The following HHLA1 variants were observed in gnomAD, a reference collection of about 807,000 sequenced individuals.
HHLA1 encodes HERV-H LTR-associating protein 1.
HHLA1 carries 72 observed loss-of-function variants against 69.9 expected under a neutral mutation model. That is an observed-to-expected ratio of 1.03 (90% CI 0.85 to 1.25). The LOEUF (loss-of-function observed/expected upper bound fraction) is 1.25. Among genes scored for constraint, HHLA1 ranks in the 50% most tolerant of loss-of-function variants. HHLA1 has a pLI of 0.00. For synonymous variants in HHLA1, 252 were observed against 233.2 expected (o/e 1.08, Z -0.73); for missense variants, 685 against 642.2 (o/e 1.07, Z -0.72).
chr8:132,094,266 C>T (rs1168732633), intron 7 of HHLA1, among the ~76,000 whole-genome samples: 6 of 152,162 alleles, frequency 3.9e-5, no homozygotes, highest in East Asian at 1.9e-4. Flanking sequence ...CTTACAATCT[C>T]GTATTTAACA....
intron 5 of HHLA1, among the ~76,000 whole-genome samples, chr8:132,097,529 C>T (rs976360675): frequency 2.6e-5 from 4 of 152,142 alleles, no homozygotes; most frequent in Non-Finnish European, 5.9e-5. Context: ...TTTTGAGCTC[C>T]TCGAAGTTAT....
intron 4 of HHLA1, 113 bp downstream of exon 4, chr8:132,099,962 A>G: frequency 1.4e-6 from 1 of 737,386 alleles, no homozygotes; most frequent in East Asian, 2.7e-5. Context: ...TGATCAGATA[A>G]TGATTAAAGA....
intron 10 of HHLA1, among the ~76,000 whole-genome samples, chr8:132,082,212 A>G (rs947075253): frequency 6.6e-6 from 1 of 152,242 alleles, no homozygotes; most frequent in African/African-American, 2.4e-5. Flanking sequence ...TGCATCAGCT[A>G]TGAGGAAGAA....
At chr8:132,100,275 A>T in intron 3 of HHLA1, 141 bp from the exon 4 acceptor site, 1 of 663,250 alleles carries the variant, frequency 1.5e-6, no homozygotes, top group Admixed American at 2.3e-5. Context: ...GGCAGATCAC[A>T]GACTCTTCTG....
Position 132,087,185 on chromosome 8 carries a change from A to G in HHLA1, c.676+468T>C, listed in dbSNP as rs968422222. Among the ~76,000 whole-genome samples the G allele has an allele frequency of 1.3e-4, 20 of 152,208 alleles. 1 individual carries two copies. The highest frequency in any genetic ancestry group is 1.2e-3 in the Admixed American group (19 of 15,280). On this transcript the variant is annotated intron_variant, in intron 10 of 16. Coordinates refer to ENST00000414222, the MANE Select transcript of HHLA1 (RefSeq NM_001145095.3). ...CTGAAATATGGAAAAGTAGGGAAGG[A>G]GTTCCAGATGGAGACAACAGCATGC...
intron 7 of HHLA1, among the ~76,000 whole-genome samples, chr8:132,091,735 T>C (rs1823949018): frequency 6.6e-6 from 1 of 152,230 alleles, no homozygotes; most frequent in African/African-American, 2.4e-5. Context: ...GACTGTCTCT[T>C]AACACTCAGT....
At chr8:132,107,190 A>G (rs1290222037) in intron 1 of HHLA1, among the ~76,000 whole-genome samples, 1 of 152,194 alleles carries the variant, frequency 6.6e-6, no homozygotes, top group African/African-American at 2.4e-5. Flanking sequence ...TAGAAAAACA[A>G]TTATTTACAT....
intron 3 of HHLA1, among the ~76,000 whole-genome samples, chr8:132,103,548 G>T (rs887435626): frequency 6.6e-6 from 1 of 152,086 alleles, no homozygotes; most frequent in Non-Finnish European, 1.5e-5. Context: ...AGCCTTTGGG[G>T]TGGAGGTTGC....
intron 10 of HHLA1, chr8:132,080,941 A>T (rs534834702): frequency 2.0e-5 from 3 of 152,276 alleles, no homozygotes; most frequent in African/African-American, 7.2e-5. Flanking sequence ...GCCTGGATAC[A>T]GTTTTGTATG....
intron 12 of HHLA1, 54 bp downstream of exon 12, chr8:132,077,671 AC>A: frequency 6.6e-7 from 1 of 1,513,968 alleles, no homozygotes; most frequent in Non-Finnish European, 8.9e-7. Context: ...ATCAAAACAG[AC>A]AATGCTAAGT....
intron 12 of HHLA1, among the ~76,000 whole-genome samples, chr8:132,077,387 G>T (rs1823662924): frequency 6.6e-6 from 1 of 152,138 alleles, no homozygotes; most frequent in Admixed American, 6.5e-5. Context: ...CAGCAGGCAG[G>T]GCTCATGCCT....
intron 9 of HHLA1, 49 bp downstream of exon 9, chr8:132,087,796 G>A (rs777576413): frequency 9.7e-6 from 15 of 1,542,370 alleles, no homozygotes; most frequent in Non-Finnish European, 1.8e-6. Context: ...GGACAGTTTT[G>A]TCTATTTCTC....
rs1824104869 is a variant in HHLA1, at chr8:132,101,158, A to G, written c.140-1024T>C. 9.2e-6 allele frequency: 14 copies of G among 1,525,094 alleles called. No individual in the cohort carries two copies. The East Asian group carries it at 2.7e-4, about 30-fold the overall frequency. The allele number at this position is 1,525,094 out of a possible 1,614,324, so 94.5% of individuals were successfully genotyped here. On this transcript the variant is annotated intron_variant, in intron 3 of 16. Coordinates refer to ENST00000414222, the MANE Select transcript of HHLA1 (RefSeq NM_001145095.3). ...TTTTACATTTTCATTTTGCAAATAG[A>G]AAACAACAAGCCACAGAGTCTGAAA... is the stretch of plus-strand genomic sequence containing the variant.
rs1824184451 is a variant in HHLA1 at position 132,105,238 on chromosome 8, A to G, written c.28T>C (p.Ser10Pro). 6.4e-7 allele frequency: 1 copy of G among 1,552,206 alleles called. No homozygotes were observed. Among genetic ancestry groups the G allele is most frequent in the South Asian group, 1.2e-5 (1 of 84,066 alleles). The change falls in exon 2 of 17, where the codon TCA becomes CCA. Residue 10 changes from serine (S) to proline (P), a missense_variant. Physicochemically the swap from Ser to Pro is moderately conservative, Grantham distance 74. Coordinates refer to ENST00000414222, the MANE Select transcript of HHLA1 (RefSeq NM_001145095.3). The stretch of plus-strand genomic sequence containing the variant: ...GCCAGGCCCATGCACAGCTTCATTG[A>G]AGGACCACGTGACAGGAAGCCCAGC... MLGFLSRGP[S>P]MKLCMGLACV... is the part of the protein sequence containing the mutation.
Position 132,061,611 on chromosome 8 carries a change from A to C in HHLA1, c.*2384T>G, listed in dbSNP as rs934357750. The C allele has an allele frequency of 3.3e-5, 5 of 152,198 alleles. No homozygotes were observed. Among genetic ancestry groups the C allele is most frequent in the Non-Finnish European group, 5.9e-5 (4 of 68,100 alleles). The allele number at this position is 152,198 out of a possible 1,614,324, so 9.4% of individuals were successfully genotyped here. On this transcript the variant is annotated 3_prime_UTR_variant, in exon 17 of 17. Coordinates refer to ENST00000414222, the MANE Select transcript of HHLA1 (RefSeq NM_001145095.3). ...TAACCACTGGTGGCCACATACATAC[A>C]CACTAATTAGTAGGAGTTCCAGATC... is the stretch of plus-strand genomic sequence containing the variant.
intron 10 of HHLA1, among the ~76,000 whole-genome samples, chr8:132,085,971 C>T (rs920953035): frequency 4.6e-5 from 7 of 152,024 alleles, no homozygotes; most frequent in Admixed American, 6.5e-5. Context: ...ACAGGGGTTG[C>T]GATGGCTTGG....
At position 132,098,969 on chromosome 8, in the gene HHLA1, G is replaced by A. The variant is rs1330316034; in HGVS notation, c.200-7C>T. 4.6e-6 allele frequency: 7 copies of A among 1,534,544 alleles called. No individual in the cohort carries two copies. Among genetic ancestry groups the A allele is most frequent in the Non-Finnish European group, 4.4e-6 (5 of 1,136,914 alleles). On this transcript the variant is annotated splice_polypyrimidine_tract_variant and splice_region_variant and intron_variant, in intron 4 of 16. Transcript: ENST00000414222. ...ATTGACCTTGCGGGCAGCTCTGAAA[G>A]AGATTCAGAGATAATGTCACTGGCA...
intron 12 of HHLA1, 54 bp downstream of exon 12, chr8:132,077,672 C>A (rs1340396480): frequency 2.4e-5 from 36 of 1,513,512 alleles, no homozygotes; most frequent in Non-Finnish European, 3.2e-5. Context: ...TCAAAACAGA[C>A]AATGCTAAGT....
At chr8:132,072,636 AACCT>A (rs1198241144) in intron 14 of HHLA1, among the ~76,000 whole-genome samples, 5 of 152,144 alleles carry the variant, frequency 3.3e-5, no homozygotes, top group Non-Finnish European at 7.4e-5. Context: ...AATTATCTAA[AACCT>A]GGAAATAAAC....
Sources: gnomAD v4.1 joint callset for allele counts (sites outside exome capture counted in the v4.1 genomes callset) on GRCh38, gnomAD v4.1.1 for gene constraint, MANE v1.5 for transcripts, NCBI Gene and HGNC (gene_info 2026-07-23, HGNC 2026-07-21) for gene names.